The following NPAS3 variants were observed in gnomAD, a reference collection of about 807,000 sequenced individuals.
NPAS3 encodes neuronal PAS domain protein 3.
A neutral mutation model predicts 73.1 loss-of-function variants in NPAS3; 14 were observed. The observed-to-expected ratio is 0.19, with a 90% CI of 0.13 to 0.30. The LOEUF (loss-of-function observed/expected upper bound fraction) is 0.30. Among genes scored for constraint, NPAS3 ranks in the 10% least tolerant of loss-of-function variants. NPAS3 has a pLI of 1.00. For synonymous variants in NPAS3, 620 were observed against 541.5 expected (o/e 1.14, Z -2.01); for missense variants, 1,096 against 1,250.0 (o/e 0.88, Z 1.86).
chr14:32,988,826 T>C (rs1038812560), intron 1 of NPAS3, among the ~76,000 whole-genome samples: 1 of 152,250 alleles, frequency 6.6e-6, no homozygotes, highest in African/African-American at 2.4e-5. Context: ...ATTTATACTT[T>C]TCTCTAAATT....
intron 3 of NPAS3, among the ~76,000 whole-genome samples, chr14:33,364,166 G>A (rs192577550): frequency 6.6e-6 from 1 of 152,208 alleles, no homozygotes; most frequent in East Asian, 1.9e-4. Flanking sequence ...CATAAACAAT[G>A]TATTGCTTTG....
chr14:33,578,234 C>T (rs1262554723), intron 5 of NPAS3: 1 of 455,934 alleles, frequency 2.2e-6, no homozygotes, highest in Admixed American at 2.3e-5. Context: ...ACTCTTGTTG[C>T]CCAGGCTGGA....
At chr14:33,552,484 G>A (rs1448193377) in intron 4 of NPAS3, among the ~76,000 whole-genome samples, 1 of 152,114 alleles carries the variant, frequency 6.6e-6, no homozygotes, top group Non-Finnish European at 1.5e-5. Context: ...GGTGAATACT[G>A]AGTGAACTGA....
chr14:33,081,160 C>T (rs867523249), intron 2 of NPAS3, among the ~76,000 whole-genome samples: 9 of 152,044 alleles, frequency 5.9e-5, no homozygotes, highest in African/African-American at 1.9e-4. Flanking sequence ...TGATATTGGG[C>T]GTGTTCAGGG....
intron 3 of NPAS3, among the ~76,000 whole-genome samples, chr14:33,237,129 G>A (rs1447369299): frequency 6.6e-6 from 1 of 152,092 alleles, no homozygotes; most frequent in African/African-American, 2.4e-5. Flanking sequence ...CAGAGCAACC[G>A]TGGATACATA....
intron 2 of NPAS3, among the ~76,000 whole-genome samples, chr14:33,147,730 A>AAAAAAAAT (rs372663411): frequency 3.1e-5 from 4 of 130,388 alleles, no homozygotes; most frequent in African/African-American, 1.3e-4. Flanking sequence ...TAGAATAAAA[A>AAAAAAAAT]ATATATATAT....
intron 2 of NPAS3, among the ~76,000 whole-genome samples, chr14:33,163,975 G>T (rs2045022385): frequency 6.6e-6 from 1 of 152,204 alleles, no homozygotes; most frequent in Non-Finnish European, 1.5e-5. Context: ...TGATTATACT[G>T]TCAGAGGAGC....
intron 1 of NPAS3, among the ~76,000 whole-genome samples, chr14:33,018,256 A>G (rs1227728885): frequency 1.3e-5 from 2 of 152,190 alleles, no homozygotes; most frequent in Non-Finnish European, 2.9e-5. Context: ...GAAGGGTGTC[A>G]TTTGGAAGAG....
chr14:33,200,022 A>AC (rs139574543), intron 2 of NPAS3, among the ~76,000 whole-genome samples: 31,950 of 151,708 alleles, frequency 0.21, 3,776 homozygotes, highest in South Asian at 0.38. Flanking sequence ...AGGGGACTAC[A>AC]TTTGACTCAT....
At chr14:33,151,035 A>G (rs939316545) in intron 2 of NPAS3, among the ~76,000 whole-genome samples, 3 of 152,230 alleles carry the variant, frequency 2.0e-5, no homozygotes, top group African/African-American at 7.2e-5. Context: ...TTTTGGAATT[A>G]ATTATGTTCT....
intron 2 of NPAS3, among the ~76,000 whole-genome samples, chr14:33,103,841 G>C (rs1384117737): frequency 6.6e-6 from 1 of 152,136 alleles, no homozygotes; most frequent in African/African-American, 2.4e-5. Context: ...TTTAAGAGAG[G>C]CCATGCCTTT....
intron 2 of NPAS3, among the ~76,000 whole-genome samples, chr14:33,064,808 G>T (rs539597943): frequency 2.6e-5 from 4 of 152,210 alleles, no homozygotes; most frequent in South Asian, 4.2e-4. Context: ...CTATACAATG[G>T]TGTGTGTTTC....
chr14:33,542,437 C>T (rs2054564671), intron 4 of NPAS3, among the ~76,000 whole-genome samples: 1 of 152,166 alleles, frequency 6.6e-6, no homozygotes, highest in Admixed American at 6.5e-5. Context: ...GGCAGACAAG[C>T]CTCCTGTGTG....
At chr14:33,333,589 T>A (rs1010367777) in intron 3 of NPAS3, among the ~76,000 whole-genome samples, 1 of 43,116 alleles carries the variant, frequency 2.3e-5, no homozygotes, top group African/African-American at 4.9e-5. Context: ...TACCCAGACT[T>A]TTTTTTCCTG....
chr14:33,723,946 A>T (rs1383325646), intron 6 of NPAS3, among the ~76,000 whole-genome samples: 2 of 151,948 alleles, frequency 1.3e-5, no homozygotes, highest in Non-Finnish European at 2.9e-5. Flanking sequence ...AAAACTTAAA[A>T]ATATATATAT....
rs141997908 is a variant in NPAS3 at position 33,682,732 on chromosome 14, C to T, written c.733+6347C>T. On this transcript the variant is annotated intron_variant, in intron 6 of 11. Transcript: ENST00000356141. ...ATGCAAGGCCTAGGCATACTTATCACCTTAATTTGTGTGTGTTCACACTTT... is the reference window on the plus strand; with the variant it reads ...ATGCAAGGCCTAGGCATACTTATCATCTTAATTTGTGTGTGTTCACACTTT... 1.7e-3 allele frequency among the ~76,000 whole-genome samples: 264 copies of T among 152,334 alleles called. 1 individual carries two copies. The highest frequency in any genetic ancestry group is 5.9e-3 in the African/African-American group (244 of 41,574).
chr14:33,046,269 G>T (rs1339079207), intron 1 of NPAS3, among the ~76,000 whole-genome samples: 2 of 152,104 alleles, frequency 1.3e-5, no homozygotes, highest in Admixed American at 6.6e-5. Flanking sequence ...ATGAGCAAAG[G>T]GTAGGTATGA....
At chr14:33,493,440 C>A (rs2052006626) in intron 4 of NPAS3, among the ~76,000 whole-genome samples, 1 of 151,890 alleles carries the variant, frequency 6.6e-6, no homozygotes, top group Non-Finnish European at 1.5e-5. Context: ...ACTCTGAAAC[C>A]ATAGATTTGC....
At chr14:33,546,267 C>G (rs766617365) in intron 4 of NPAS3, among the ~76,000 whole-genome samples, 8 of 152,208 alleles carry the variant, frequency 5.3e-5, no homozygotes, top group Non-Finnish European at 1.2e-4. Context: ...ATCTGCAATC[C>G]TGTTGTCGAT....
Sources: gnomAD v4.1 joint callset for allele counts (sites outside exome capture counted in the v4.1 genomes callset) on GRCh38, gnomAD v4.1.1 for gene constraint, MANE v1.5 for transcripts, NCBI Gene and HGNC (gene_info 2026-07-23, HGNC 2026-07-21) for gene names.